The following CYLD variants were observed in gnomAD, a reference collection of about 807,000 sequenced individuals.
CYLD encodes the protein CYLD lysine 63 deubiquitinase.
In CYLD, 26 loss-of-function variants were observed where a neutral mutation model predicts 104.5. The observed-to-expected ratio is 0.25, with a 90% confidence interval of 0.18 to 0.35. The LOEUF is 0.35. CYLD is among the 10% of genes least tolerant of loss of function. The probability of loss-of-function intolerance (pLI) is 1.00; values close to 1 mark genes in which losing one functional copy is unlikely to be tolerated. For synonymous variants in CYLD, 385 were observed against 399.9 expected (o/e 0.96, Z 0.45); for missense variants, 703 against 1,136.1 (o/e 0.62, Z 5.48).
intron 5 of CYLD, among the ~76,000 whole-genome samples, chr16:50,757,789 G>A (rs1439389896): frequency 3.3e-5 from 5 of 152,170 alleles, no homozygotes; most frequent in Non-Finnish European, 7.3e-5. Flanking sequence ...ACCCGCCTCG[G>A]CCTCCCAAAG....
chr16:50,751,883 G>C lies in CYLD; in HGVS notation c.784G>C (p.Gly262Arg). 1 of 1,610,756 alleles carries C rather than the reference G, an allele frequency of 6.2e-7. No homozygotes were observed. The highest frequency in any genetic ancestry group is 8.5e-7 in the Non-Finnish European group (1 of 1,178,480). The change falls in exon 4 of 19, where the codon GGA becomes CGA. Residue 262 changes from glycine (G) to arginine (R), a missense_variant. Gly to Arg is a moderately radical substitution (Grantham distance 125). Around this residue, in one of 5 missense-constraint regions of CYLD, gnomAD observed 123 missense variants for 213.3 expected, o/e 0.58. Coordinates refer to ENST00000427738, the MANE Select transcript of CYLD (RefSeq NM_001378743.1). ...TGTTTTGCCAGGAAAAGAAAGCTTA[G>C]GATATTTTGTTGGTGTGGACATGGT... ...CDVLPGKESL[G>R]YFVGVDMDNP...
chr16:50,751,706 G>A lies in CYLD; in HGVS notation c.607G>A (p.Glu203Lys). The change falls in exon 4 of 19, where the codon GAA becomes AAA. Residue 203 changes from glutamate to lysine, a missense_variant. By Grantham distance (56) the Glu-to-Lys change is moderately conservative. Transcript: ENST00000427738. ...CGVFVALDKLELIEDDDTALE... is the reference protein window; with the variant it reads ...CGVFVALDKLKLIEDDDTALE... ...CGTGTTTGTTGCATTGGACAAGCTA[G>A]AACTCATAGAAGATGATGACACTGC... 6.2e-7 allele frequency: 1 copy of A among 1,613,808 alleles called. No individual in the cohort carries two copies. Among genetic ancestry groups the A allele is most frequent in the South Asian group, 1.1e-5 (1 of 91,078 alleles).
intron 11 of CYLD, chr16:50,784,067 T>C: frequency 2.5e-6 from 1 of 403,146 alleles, no homozygotes; most frequent in South Asian, 2.3e-5. Context: ...TGGCACGTTG[T>C]TATCCTTTAA....
chr16:50,751,563 C>T (rs771043455), intron 3 of CYLD, 41 bp from the exon 4 acceptor site: 23 of 1,594,628 alleles, frequency 1.4e-5, no homozygotes, highest in Non-Finnish European at 2.0e-5. Flanking sequence ...TATGGATCGT[C>T]TTTCTATATC....
At chr16:50,743,702 A>G (rs1459836549) in intron 2 of CYLD, among the ~76,000 whole-genome samples, 1 of 151,802 alleles carries the variant, frequency 6.6e-6, no homozygotes, top group African/African-American at 2.4e-5. Context: ...TTTTTTTTTC[A>G]TTGGTTGTAC....
At chr16:50,768,814 G>A (rs1968807033) in intron 5 of CYLD, among the ~76,000 whole-genome samples, 1 of 152,064 alleles carries the variant, frequency 6.6e-6, no homozygotes, top group African/African-American at 2.4e-5. Context: ...GATCAAGATA[G>A]TGAACATATC....
intron 11 of CYLD, chr16:50,784,122 C>A (rs1389619033): frequency 5.7e-6 from 3 of 524,290 alleles, no homozygotes; most frequent in Non-Finnish European, 1.0e-5. Flanking sequence ...TTGGTGTTGT[C>A]CTTAACATGG....
intron 18 of CYLD, 88 bp from the exon 19 acceptor site, chr16:50,796,236 C>CT: frequency 7.3e-7 from 1 of 1,366,522 alleles, no homozygotes; most frequent in Non-Finnish European, 1.0e-6. Context: ...CTGAAATTAG[C>CT]TTTTTGGAAA....
At chr16:50,759,070 G>A (rs745705223) in intron 5 of CYLD, among the ~76,000 whole-genome samples, 16 of 151,826 alleles carry the variant, frequency 1.1e-4, no homozygotes, top group Admixed American at 2.0e-4. Context: ...GAACCCCCCC[G>A]TCTCTACTAA....
chr16:50,797,779 G>A lies in CYLD; in HGVS notation c.*1271G>A, dbSNP rs888457490. 3 of 232,472 alleles carry A rather than the reference G, an allele frequency of 1.3e-5. No homozygotes were observed. Among genetic ancestry groups the A allele is most frequent in the East Asian group, 6.0e-5 (1 of 16,548 alleles). The allele number at this position is 232,472 out of a possible 1,614,324, so 14.4% of individuals were successfully genotyped here. On this transcript the variant is annotated 3_prime_UTR_variant, in exon 19 of 19. Transcript: ENST00000427738. ...CATATGACTTTATAAAATATTTAAT[G>A]TGACAAAAAGTGGAAAGAATCTTTA...
chr16:50,789,476 T>A (rs1971210004), intron 14 of CYLD, among the ~76,000 whole-genome samples: 1 of 152,120 alleles, frequency 6.6e-6, no homozygotes, highest in Non-Finnish European at 1.5e-5. Context: ...TAGGGAGGGA[T>A]CAGGGCATCT....
chr16:50,789,028 A>G (rs1234298354), intron 14 of CYLD, among the ~76,000 whole-genome samples: 2 of 152,220 alleles, frequency 1.3e-5, no homozygotes, highest in African/African-American at 4.8e-5. Context: ...AAGTGGATTT[A>G]GAGTTCTCTA....
chr16:50,777,691 T>C, intron 7 of CYLD, 134 bp from the exon 8 acceptor site: 1 of 587,728 alleles, frequency 1.7e-6, no homozygotes, highest in Non-Finnish European at 3.1e-6. Flanking sequence ...TTAAAAAACA[T>C]ATTGTGTTTA....
chr16:50,775,345 G>A (rs933135603), intron 6 of CYLD, among the ~76,000 whole-genome samples, 171 bp downstream of exon 6: 5 of 152,206 alleles, frequency 3.3e-5, no homozygotes, highest in Admixed American at 3.3e-4. Flanking sequence ...AAACAAGTTT[G>A]CCACACTTAT....
intron 3 of CYLD, 29 bp from the exon 4 acceptor site, chr16:50,751,575 A>G (rs200230348): frequency 6.2e-7 from 1 of 1,608,898 alleles, no homozygotes. Flanking sequence ...TTCTATATCT[A>G]TTTCTTTCCC....
At position 50,787,864 on chromosome 16, in the gene CYLD, A is replaced by G. The variant is rs558245278; in HGVS notation, c.2108+12A>G. 35 of 1,413,592 alleles carry G rather than the reference A, an allele frequency of 2.5e-5. No homozygotes were observed. The Admixed American group carries it at 4.1e-4, about 17-fold the overall frequency. 87.6% of individuals were successfully genotyped at this position (1,413,592 alleles called of 1,614,324 possible). ...TTGCTAAAAATAAGGTAACCTTTAA[A>G]TTGTTCTAGAAGCATTGGAAAAATA... On this transcript the variant is annotated intron_variant, in intron 14 of 18. Coordinates refer to ENST00000427738, the MANE Select transcript of CYLD (RefSeq NM_001378743.1).
chr16:50,789,418 A>C (rs1486487902), intron 14 of CYLD, among the ~76,000 whole-genome samples: 1 of 152,210 alleles, frequency 6.6e-6, no homozygotes, highest in Non-Finnish European at 1.5e-5. Flanking sequence ...AATGTAATAC[A>C]CGCCCAGTAA....
In CYLD at chr16:50,777,915, C is replaced by A. The variant is rs886040872; in HGVS notation, c.1112C>A (p.Ser371Ter). ...SSVDSQPQSK[S>*]KNTWYIDEVA... is the part of the protein sequence containing the mutation. ...GTTGACTCACAACCACAATCCAAATCAAAAAATACATGGTACATTGATGAA... is the reference window on the plus strand; with the variant it reads ...GTTGACTCACAACCACAATCCAAATAAAAAAATACATGGTACATTGATGAA... Residue 371 changes from serine (S) to a stop codon, truncating the protein, a stop_gained, in exon 8 of 19, where the codon TCA becomes TAA. Coordinates refer to ENST00000427738, the MANE Select transcript of CYLD (RefSeq NM_001378743.1). LOFTEE classifies it high-confidence loss of function. 7 of 1,576,666 alleles carry A rather than the reference C, an allele frequency of 4.4e-6. No individual in the cohort carries two copies. The highest frequency in any genetic ancestry group is 1.3e-5 in the African/African-American group (1 of 74,150).
At chr16:50,748,780 A>T (rs186003175) in intron 2 of CYLD, among the ~76,000 whole-genome samples, 6 of 152,208 alleles carry the variant, frequency 3.9e-5, no homozygotes, top group African/African-American at 1.4e-4. Flanking sequence ...CTTCAGAAAA[A>T]ATATATGAAA....
Sources: allele counts gnomAD v4.1 joint callset (sites outside exome capture counted in the v4.1 genomes callset), GRCh38; gene constraint gnomAD v4.1.1; regional missense constraint gnomAD v4.1.1; transcripts MANE v1.5; gene names NCBI Gene and HGNC (gene_info 2026-07-23, HGNC 2026-07-21).